Variants in FARP2 observed in about 807,000 individuals in gnomAD.
FARP2 encodes FERM, ARH/RhoGEF and pleckstrin domain protein 2, also known as FERM, ARHGEF and pleckstrin domain-containing protein 2.
In FARP2, 111 loss-of-function variants were observed where a neutral mutation model predicts 130.5. The ratio of observed to expected loss-of-function variants is 0.85; its 90% CI spans 0.73 to 1.00. The LOEUF is 1.00. Ranked by LOEUF, FARP2 falls within the 50% of genes least tolerant of loss-of-function variation. The probability of loss-of-function intolerance (pLI) is 0.00; values close to 1 mark genes in which losing one functional copy is unlikely to be tolerated. For synonymous variants in FARP2, 504 were observed against 516.9 expected, an observed-to-expected ratio of 0.98 and a Z score of 0.34; for missense variants, 1,385 against 1,346.3, an observed-to-expected ratio of 1.03 and a Z score of -0.45.
Position 241,493,433 on chromosome 2 carries a change from C to T in FARP2, c.3036C>T (p.Tyr1012=). The change falls in exon 26 of 27, where the codon TAC becomes TAT. Residue 1012 remains tyrosine (Y), a synonymous_variant. Coordinates refer to ENST00000264042, the MANE Select transcript of FARP2 (RefSeq NM_014808.4). ...HVYFFRAESK[Y]TFERWMEVIQ... ...ACTTCTTCCGGGCTGAGAGCAAGTA[C>T]ACATTTGAAAGGTAATTTTGCAGGA... 3 of 1,613,802 alleles carry T rather than the reference C, an allele frequency of 1.9e-6. No individual in the cohort carries two copies. Among genetic ancestry groups the T allele is most frequent in the Non-Finnish European group, 1.7e-6 (2 of 1,179,976 alleles).
At chr2:241,476,456 G>A (rs961625025) in intron 19 of FARP2, among the ~76,000 whole-genome samples, 1 of 152,150 alleles carries the variant, frequency 6.6e-6, no homozygotes, top group African/African-American at 2.4e-5. Context: ...GGGAGGCCAA[G>A]GCAGACAGAT....
At chr2:241,413,665 AG>A (rs2062585825) in intron 7 of FARP2, among the ~76,000 whole-genome samples, 1 of 152,220 alleles carries the variant, frequency 6.6e-6, no homozygotes, top group African/African-American at 2.4e-5. Flanking sequence ...GGAAGAAGCC[AG>A]GCACGGTGGC....
At position 241,491,594 on chromosome 2, in the gene FARP2, G is replaced by A. The variant is rs371051001; in HGVS notation, c.2702G>A (p.Gly901Asp). 2.6e-5 allele frequency: 42 copies of A among 1,613,712 alleles called. No homozygotes were observed. The highest frequency in any genetic ancestry group is 3.5e-5 in the Non-Finnish European group (41 of 1,180,006). Residue 901 changes from glycine (G) to aspartate (D), a missense_variant, in exon 24 of 27, where the codon GGC (glycine) becomes GAC (aspartate). Transcript: ENST00000264042. ...RGVRSSLEGH[G>D]QHRANTTMHV... ...GTCCGCAGCTCCCTGGAGGGGCATGGCCAGCACCGGGCCAACACCACAATG... is the reference window on the plus strand; with the variant it reads ...GTCCGCAGCTCCCTGGAGGGGCATGACCAGCACCGGGCCAACACCACAATG...
Position 241,493,323 on chromosome 2 carries a change from C to T in FARP2, c.2926C>T (p.Leu976=), listed in dbSNP as rs748102958. ...DDYPLASLPL[L]GYSVSIPREA... ...CTACCCACTGGCCAGCCTCCCGCTG[C>T]TGGGCTACAGCGTGAGCATCCCCAG... The change falls in exon 26 of 27, where the codon CTG becomes TTG. Residue 976 remains leucine, a synonymous_variant. Coordinates refer to ENST00000264042, the MANE Select transcript of FARP2 (RefSeq NM_014808.4). 6.2e-6 allele frequency: 10 copies of T among 1,613,840 alleles called. No homozygotes were observed. The African/African-American group carries it at 1.3e-4, about 22-fold the overall frequency.
intron 24 of FARP2, among the ~76,000 whole-genome samples, chr2:241,491,908 C>T (rs966420809): frequency 3.3e-5 from 5 of 152,168 alleles, no homozygotes; most frequent in Non-Finnish European, 4.4e-5. Context: ...GTCCAGCAGG[C>T]GGGGCGTGTC....
intron 2 of FARP2, among the ~76,000 whole-genome samples, chr2:241,383,030 T>G (rs1261573123): frequency 6.6e-6 from 1 of 152,190 alleles, no homozygotes; most frequent in Non-Finnish European, 1.5e-5. Context: ...AAGTGATTAC[T>G]TATGGTGAAG....
Position 241,441,465 on chromosome 2 carries a change from A to C in FARP2, c.1320A>C (p.Pro440=). 4 of 1,614,220 alleles carry C rather than the reference A, an allele frequency of 2.5e-6. No homozygotes were observed. The highest frequency in any genetic ancestry group is 3.4e-6 in the Non-Finnish European group (4 of 1,180,040). ...CCCAGGTTTCCTACGTCAAGAGTCC[A>C]GCTGCAGAGAGGCGCAGTGGAGCAG... ...TDPQVSYVKS[P]AAERRSGAVA... Residue 440 remains proline, a synonymous_variant, in exon 13 of 27, where the codon CCA becomes CCC. Transcript: ENST00000264042.
chr2:241,438,703 C>T (rs960820980), intron 12 of FARP2, among the ~76,000 whole-genome samples: 2 of 149,388 alleles, frequency 1.3e-5, no homozygotes, highest in Non-Finnish European at 3.0e-5. Flanking sequence ...GATCTTGGCT[C>T]ACTGCAAGCT....
chr2:241,477,123 CTTT>C (rs71406462), intron 19 of FARP2, among the ~76,000 whole-genome samples: 22 of 122,632 alleles, frequency 1.8e-4, no homozygotes, highest in African/African-American at 2.5e-4. Context: ...ATTCATGTTC[CTTT>C]TTTTTTTTTT....
chr2:241,392,923 AT>A (rs1194263261), intron 2 of FARP2, among the ~76,000 whole-genome samples: 1 of 151,148 alleles, frequency 6.6e-6, no homozygotes, highest in Non-Finnish European at 1.5e-5. Flanking sequence ...AGCCTGGGCA[AT>A]AGAGCGAGAC....
At chr2:241,414,020 T>TG (rs897991432) in intron 7 of FARP2, among the ~76,000 whole-genome samples, 7 of 149,544 alleles carry the variant, frequency 4.7e-5, no homozygotes, top group East Asian at 2.0e-4. Flanking sequence ...GGGTGGCTAT[T>TG]GGGGGGGTGT....
At chr2:241,462,252 G>A (rs2064039491) in intron 14 of FARP2, among the ~76,000 whole-genome samples, 1 of 152,180 alleles carries the variant, frequency 6.6e-6, no homozygotes, top group Non-Finnish European at 1.5e-5. Flanking sequence ...CACTGGCAGT[G>A]ATATATAAAA....
chr2:241,395,094 T>C (rs1418167846), intron 2 of FARP2, among the ~76,000 whole-genome samples: 1 of 152,120 alleles, frequency 6.6e-6, no homozygotes, highest in Non-Finnish European at 1.5e-5. Context: ...TGTTCTTCAA[T>C]TGAGGAAGCC....
chr2:241,430,998 TC>T (rs2063076045), intron 8 of FARP2, among the ~76,000 whole-genome samples: 11 of 148,274 alleles, frequency 7.4e-5, no homozygotes, highest in Admixed American at 5.5e-4. Flanking sequence ...AGACTCTGTC[TC>T]AAAAAAAAAA....
intron 2 of FARP2, among the ~76,000 whole-genome samples, chr2:241,392,165 C>T (rs1053939325): frequency 4.6e-5 from 7 of 152,180 alleles, no homozygotes; most frequent in African/African-American, 1.4e-4. Flanking sequence ...CCAGTGGGAC[C>T]GGAATGCCAG....
rs2063661856 is a variant in FARP2, at chr2:241,451,675, A to G, written c.1412-5072A>G. On this transcript the variant is annotated intron_variant, in intron 13 of 26. Coordinates refer to ENST00000264042, the MANE Select transcript of FARP2 (RefSeq NM_014808.4). ...TATTTTTTACAGATACCTAAGATTA[A>G]TTATTTACCATGTCAAGTAAAGCTA... Among the ~76,000 whole-genome samples, 2 of 151,880 alleles carry G rather than the reference A, an allele frequency of 1.3e-5. 1 individual carries two copies. The highest frequency in any genetic ancestry group is 4.1e-4 in the South Asian group (2 of 4,838).
chr2:241,492,827 G>T, intron 24 of FARP2, 102 bp from the exon 25 acceptor site: 2 of 699,276 alleles, frequency 2.9e-6, no homozygotes, highest in Non-Finnish European at 5.2e-6. Context: ...CAAGGCCTCA[G>T]CTGGAGAAAG....
intron 5 of FARP2, among the ~76,000 whole-genome samples, chr2:241,409,592 C>T (rs1485321009): frequency 1.3e-5 from 2 of 152,102 alleles, no homozygotes; most frequent in African/African-American, 4.8e-5. Context: ...TAAAAGTTCT[C>T]CATTTACTCA....
chr2:241,378,504 C>T (rs1394225287), intron 2 of FARP2, among the ~76,000 whole-genome samples: 2 of 150,422 alleles, frequency 1.3e-5, no homozygotes, highest in Non-Finnish European at 2.9e-5. Flanking sequence ...CTTGACCTCC[C>T]CGGGTTCAGG....
Sources: gnomAD v4.1 joint callset for allele counts (sites outside exome capture counted in the v4.1 genomes callset) on GRCh38, gnomAD v4.1.1 for gene constraint, MANE v1.5 for transcripts, NCBI Gene and HGNC (gene_info 2026-07-23, HGNC 2026-07-21) for gene names.